The following CAMKMT variants were observed in gnomAD, a reference collection of about 807,000 sequenced individuals.
The protein encoded by CAMKMT is calmodulin-lysine N-methyltransferase, also known as CaM KMT.
In CAMKMT, 53 loss-of-function variants were observed where a neutral mutation model predicts 48.0. The observed-to-expected ratio is 1.10, with a 90% CI of 0.89 to 1.39. The LOEUF is 1.39. CAMKMT is among the 40% of genes most tolerant of loss of function. CAMKMT has a pLI of 0.00. For missense variants in CAMKMT, 428 were observed against 402.7 expected (o/e 1.06, Z -0.54); for synonymous variants, 165 against 152.3 (o/e 1.08, Z -0.61).
At chr2:44,526,121 C>A (rs1052876777) in intron 3 of CAMKMT, among the ~76,000 whole-genome samples, 2 of 152,026 alleles carry the variant, frequency 1.3e-5, no homozygotes, top group Admixed American at 1.3e-4. Context: ...TCATCATTCT[C>A]AGGAAACTAT....
intron 3 of CAMKMT, among the ~76,000 whole-genome samples, chr2:44,430,312 C>G (rs1460990397): frequency 6.6e-6 from 1 of 151,820 alleles, no homozygotes; most frequent in African/African-American, 2.4e-5. Flanking sequence ...AAATTGCAAA[C>G]TGGAGTCAGG....
Position 44,361,955 on chromosome 2 carries a change from G to A in CAMKMT, c.-53G>A, listed in dbSNP as rs1677883812. 2.2e-6 allele frequency: 3 copies of A among 1,361,462 alleles called. No individual in the cohort carries two copies. The highest frequency in any genetic ancestry group is 2.8e-6 in the Non-Finnish European group (3 of 1,062,542). 84.3% of individuals were successfully genotyped at this position (1,361,462 alleles called of 1,614,324 possible). ...ACAGGGAAGAAGTTGGCAGGTCCTG[G>A]CAGGGGACGAGCTGCGGCGGTGGCA... On this transcript the variant is annotated 5_prime_UTR_variant, in exon 1 of 11. Transcript: ENST00000378494.
intron 2 of CAMKMT, among the ~76,000 whole-genome samples, chr2:44,384,647 A>G (rs1037645804): frequency 2.0e-5 from 3 of 151,718 alleles, no homozygotes; most frequent in Admixed American, 1.3e-4. Context: ...AATCCATCCT[A>G]AGTTGATTTT....
intron 3 of CAMKMT, among the ~76,000 whole-genome samples, chr2:44,445,901 G>C (rs1027768845): frequency 6.6e-6 from 1 of 151,904 alleles, no homozygotes; most frequent in East Asian, 1.9e-4. Flanking sequence ...CCTTCTGCCA[G>C]GAACTCTTAG....
chr2:44,700,358 T>C (rs1158591450), intron 3 of CAMKMT, among the ~76,000 whole-genome samples: 1 of 152,230 alleles, frequency 6.6e-6, no homozygotes. Context: ...CAAGAACTTT[T>C]CTTTTACATT....
Position 44,372,674 on chromosome 2 carries a change from T to C in CAMKMT, c.139-42T>C, listed in dbSNP as rs376001186. On this transcript the variant is annotated intron_variant, in intron 1 of 10. Transcript: ENST00000378494. ...CATTTTGAACACTAAACTTACTATA[T>C]GTTTAGATAACATGACTGCAATATT... 6 of 1,563,412 alleles carry C rather than the reference T, an allele frequency of 3.8e-6. No homozygotes were observed. In the African/African-American group the frequency reaches 5.5e-5, roughly 14 times the overall value.
chr2:44,461,063 A>G (rs887287960), intron 3 of CAMKMT, among the ~76,000 whole-genome samples: 3 of 152,192 alleles, frequency 2.0e-5, no homozygotes, highest in African/African-American at 7.2e-5. Flanking sequence ...TCCATCTGAG[A>G]GATTCTACTC....
At chr2:44,624,032 T>A (rs945610435) in intron 3 of CAMKMT, among the ~76,000 whole-genome samples, 5 of 152,152 alleles carry the variant, frequency 3.3e-5, no homozygotes, top group African/African-American at 1.2e-4. Context: ...TACCACAGAT[T>A]TGTTCATCCA....
At chr2:44,561,991 T>C (rs191773161) in intron 3 of CAMKMT, among the ~76,000 whole-genome samples, 69 of 152,250 alleles carry the variant, frequency 4.5e-4, no homozygotes, top group Middle Eastern at 3.4e-3. Context: ...GTGATGGTGA[T>C]GGTGTGAAGC....
intron 3 of CAMKMT, among the ~76,000 whole-genome samples, chr2:44,647,064 C>T (rs1449873280): frequency 1.3e-5 from 2 of 151,748 alleles, no homozygotes; most frequent in Non-Finnish European, 2.9e-5. Context: ...TTTGGGAGGC[C>T]GAGGCGGGCA....
chr2:44,443,056 C>T (rs530587288), intron 3 of CAMKMT, among the ~76,000 whole-genome samples: 4 of 152,100 alleles, frequency 2.6e-5, no homozygotes, highest in Admixed American at 6.6e-5. Flanking sequence ...TTAGGAAATA[C>T]GTGTTTGAAG....
At chr2:44,362,389 T>C (rs1677982801) in intron 1 of CAMKMT, among the ~76,000 whole-genome samples, 1 of 152,164 alleles carries the variant, frequency 6.6e-6, no homozygotes, top group South Asian at 2.1e-4. Context: ...CAGATCGAAG[T>C]AGAAGAACCC....
intron 3 of CAMKMT, among the ~76,000 whole-genome samples, chr2:44,553,895 T>C (rs988722353): frequency 6.6e-6 from 1 of 152,226 alleles, no homozygotes; most frequent in Non-Finnish European, 1.5e-5. Flanking sequence ...ATAAGGTAGC[T>C]TTGCTTGGTT....
chr2:44,545,458 C>T (rs2103628397), intron 3 of CAMKMT, among the ~76,000 whole-genome samples: 1 of 152,328 alleles, frequency 6.6e-6, no homozygotes, highest in South Asian at 2.1e-4. Context: ...ATGTACCCTG[C>T]TCTTCCTCGT....
At chr2:44,740,123 C>CTT (rs1558828998) in intron 7 of CAMKMT, among the ~76,000 whole-genome samples, 2 of 130,050 alleles carry the variant, frequency 1.5e-5, no homozygotes, top group African/African-American at 5.7e-5. Flanking sequence ...CTGATTGCTG[C>CTT]ATTTTTTTTT....
At chr2:44,605,075 A>C (rs1349725285) in intron 3 of CAMKMT, among the ~76,000 whole-genome samples, 2 of 152,126 alleles carry the variant, frequency 1.3e-5, no homozygotes, top group Non-Finnish European at 2.9e-5. Flanking sequence ...TGTCTTCCAA[A>C]AATTCATGGT....
At chr2:44,703,789 A>C (rs950305719) in intron 3 of CAMKMT, among the ~76,000 whole-genome samples, 1 of 151,760 alleles carries the variant, frequency 6.6e-6, no homozygotes, top group African/African-American at 2.4e-5. Flanking sequence ...AAAAAAAAAA[A>C]AAAAAGACAG....
At chr2:44,762,889 G>A (rs997718125) in intron 9 of CAMKMT, among the ~76,000 whole-genome samples, 10 of 152,258 alleles carry the variant, frequency 6.6e-5, no homozygotes, top group Non-Finnish European at 1.0e-4. Flanking sequence ...TTCATTCTGC[G>A]TTTAAAATAA....
chr2:44,503,949 A>G (rs1670127650), intron 3 of CAMKMT, among the ~76,000 whole-genome samples: 1 of 150,742 alleles, frequency 6.6e-6, no homozygotes, highest in South Asian at 2.1e-4. Flanking sequence ...AGAGAGGTAG[A>G]GAAAGAGGAA....
Sources: gnomAD v4.1 joint callset for allele counts (sites outside exome capture counted in the v4.1 genomes callset) on GRCh38, gnomAD v4.1.1 for gene constraint, MANE v1.5 for transcripts, NCBI Gene and HGNC (gene_info 2026-07-23, HGNC 2026-07-21) for gene names.